Variants in NFIB observed in about 807,000 individuals in gnomAD.
NFIB encodes nuclear factor 1 B-type.
In NFIB, 11 loss-of-function variants were observed where a neutral mutation model predicts 61.5. That is an observed-to-expected ratio of 0.18 (90% CI 0.11 to 0.30). NFIB has a LOEUF of 0.30. Among genes scored for constraint, NFIB ranks in the 10% least tolerant of loss-of-function variants. NFIB has a pLI of 1.00. For missense variants in NFIB, 471 were observed against 608.9 expected (o/e 0.77, Z 2.38); for synonymous variants, 260 against 216.5 (o/e 1.20, Z -1.76).
rs1227500114 is a variant in NFIB at position 14,348,431 on chromosome 9, C to T, written c.109-40911G>A. Among the ~76,000 whole-genome samples the T allele has an allele frequency of 2.0e-5, 3 of 151,886 alleles. No individual in the cohort carries two copies. In the East Asian group the frequency reaches 5.8e-4, roughly 29 times the overall value. On this transcript the variant is annotated intron_variant, in intron 1 of 8. Transcript: ENST00000380934. Reference sequence around the variant, plus strand: ...GCGCCGTTCCAAACGGCAGGGCTCACGCTATTTCGGGAGAAGTTGGAGGGT... The same window carrying T: ...GCGCCGTTCCAAACGGCAGGGCTCATGCTATTTCGGGAGAAGTTGGAGGGT...
intron 2 of NFIB, among the ~76,000 whole-genome samples, chr9:14,197,578 T>C (rs1047283847): frequency 2.0e-5 from 3 of 152,170 alleles, no homozygotes; most frequent in African/African-American, 7.2e-5. Flanking sequence ...TAAAAGACTG[T>C]GGAGTTCAAG....
chr9:14,475,079 T>C, the NFIB span, among the ~76,000 whole-genome samples: 7 of 152,248 alleles, frequency 4.6e-5, no homozygotes, highest in Non-Finnish European at 8.8e-5. Context: ...CCTTACCAGC[T>C]ATCTGGGTAT....
intron 1 of NFIB, among the ~76,000 whole-genome samples, chr9:14,347,690 G>A (rs1031650584): frequency 6.6e-6 from 1 of 152,116 alleles, no homozygotes; most frequent in African/African-American, 2.4e-5. Context: ...CTGGGGGGTC[G>A]GGTGACTGTG....
chr9:14,156,560 A>G (rs2043430401), intron 3 of NFIB, among the ~76,000 whole-genome samples: 1 of 152,204 alleles, frequency 6.6e-6, no homozygotes, highest in Non-Finnish European at 1.5e-5. Context: ...CTTTTCTGGC[A>G]AATGGTGGTG....
At chr9:14,196,688 T>A (rs2048507070) in intron 2 of NFIB, among the ~76,000 whole-genome samples, 4 of 140,412 alleles carry the variant, frequency 2.8e-5, no homozygotes, top group Non-Finnish European at 3.1e-5. Flanking sequence ...TATTCTAACT[T>A]AAAAAAAAAA....
chr9:14,503,467 A>T, the NFIB span, among the ~76,000 whole-genome samples: 6 of 151,848 alleles, frequency 4.0e-5, no homozygotes, highest in South Asian at 2.1e-4. Context: ...TGTTTTTTTT[A>T]AATTTTTTGA....
chr9:14,371,328 A>C (rs2061356629), intron 1 of NFIB, among the ~76,000 whole-genome samples: 1 of 152,226 alleles, frequency 6.6e-6, no homozygotes, highest in Non-Finnish European at 1.5e-5. Context: ...AATACTAAAA[A>C]TAATCTAAGT....
chr9:14,186,797 A>G (rs1786608453), intron 2 of NFIB, among the ~76,000 whole-genome samples: 1 of 151,988 alleles, frequency 6.6e-6, no homozygotes, highest in Non-Finnish European at 1.5e-5. Flanking sequence ...AACACCAGGC[A>G]GCTTCAGTTT....
At chr9:14,184,570 G>A (rs537885637) in intron 2 of NFIB, among the ~76,000 whole-genome samples, 3 of 152,214 alleles carry the variant, frequency 2.0e-5, no homozygotes, top group African/African-American at 4.8e-5. Flanking sequence ...TCTGTAAGAT[G>A]TGTGTTAAAT....
At chr9:14,485,902 CAA>C in the NFIB span, among the ~76,000 whole-genome samples, 1 of 150,884 alleles carries the variant, frequency 6.6e-6, no homozygotes, top group African/African-American at 2.5e-5. Flanking sequence ...AAACAAAAAA[CAA>C]CCCCCCCCAC....
intron 10 of NFIB, among the ~76,000 whole-genome samples, chr9:14,103,117 G>A (rs1001293803): frequency 6.6e-6 from 1 of 152,044 alleles, no homozygotes; most frequent in African/African-American, 2.4e-5. Flanking sequence ...TCAGAGTAAT[G>A]GCATTTAAAA....
intron 10 of NFIB, among the ~76,000 whole-genome samples, chr9:14,106,631 G>A (rs923898358): frequency 6.6e-6 from 1 of 152,026 alleles, no homozygotes; most frequent in African/African-American, 2.4e-5. Flanking sequence ...ACATAAAGGG[G>A]AAACACCTAA....
At chr9:14,363,552 T>A (rs2061264426) in intron 1 of NFIB, among the ~76,000 whole-genome samples, 1 of 152,086 alleles carries the variant, frequency 6.6e-6, no homozygotes, top group African/African-American at 2.4e-5. Flanking sequence ...TAGAAACATT[T>A]ATTTTTTTCT....
chr9:14,292,393 T>C (rs1161092581), intron 2 of NFIB, among the ~76,000 whole-genome samples: 2 of 152,222 alleles, frequency 1.3e-5, no homozygotes, highest in African/African-American at 4.8e-5. Context: ...AACATGAAAG[T>C]GTTACTCAAG....
At chr9:14,302,768 C>T (rs1019793048) in intron 2 of NFIB, among the ~76,000 whole-genome samples, 2 of 152,108 alleles carry the variant, frequency 1.3e-5, no homozygotes, top group African/African-American at 4.8e-5. Flanking sequence ...CCACCACCCC[C>T]TTCCTTTTTT....
chr9:14,503,170 TTTTC>T, the NFIB span, among the ~76,000 whole-genome samples: 25 of 151,254 alleles, frequency 1.7e-4, no homozygotes, highest in African/African-American at 5.3e-4. Flanking sequence ...ATATATATCA[TTTTC>T]TTTATTTGCT....
chr9:14,143,100 T>G (rs1206177499), intron 6 of NFIB, among the ~76,000 whole-genome samples: 3 of 152,134 alleles, frequency 2.0e-5, no homozygotes, highest in Admixed American at 2.0e-4. Context: ...AAATTATGGT[T>G]AGTTTTAAAA....
chr9:14,482,365 G>A, the NFIB span, among the ~76,000 whole-genome samples: 2 of 152,110 alleles, frequency 1.3e-5, no homozygotes, highest in Admixed American at 6.5e-5. Flanking sequence ...AGGGGATATC[G>A]TGTTATGTCC....
At chr9:14,414,359 C>T in the NFIB span, among the ~76,000 whole-genome samples, 10 of 148,794 alleles carry the variant, frequency 6.7e-5, no homozygotes, top group African/African-American at 2.2e-4. Context: ...TGCTTGAACC[C>T]GAGAGGCAGA....
Sources: allele counts gnomAD v4.1 joint callset (sites outside exome capture counted in the v4.1 genomes callset), GRCh38; gene constraint gnomAD v4.1.1; transcripts MANE v1.5; gene names NCBI Gene and HGNC (gene_info 2026-07-23, HGNC 2026-07-21).